Variants in NFE2L3 observed in about 807,000 individuals in gnomAD.
NFE2L3 encodes the protein nuclear factor erythroid 2-related factor 3.
NFE2L3 carries 18 observed loss-of-function variants against 23.5 expected under a neutral mutation model. The observed-to-expected ratio is 0.77, with a 90% CI of 0.53 to 1.13. NFE2L3 has a LOEUF of 1.13. Among genes scored for constraint, NFE2L3 ranks in the 50% most tolerant of loss-of-function variants. The pLI, the probability that NFE2L3 is intolerant of heterozygous loss-of-function variation, is 0.00. For missense variants in NFE2L3, 1,152 were observed against 877.2 expected (o/e 1.31, Z -3.96); for synonymous variants, 424 against 354.5 (o/e 1.20, Z -2.20).
intron 1 of NFE2L3, among the ~76,000 whole-genome samples, chr7:26,161,008 T>C (rs1011900123): frequency 6.6e-6 from 1 of 152,222 alleles, no homozygotes; most frequent in African/African-American, 2.4e-5. Flanking sequence ...GATGATTCGC[T>C]TTTATTGCTT....
chr7:26,163,761 C>G (rs1197615414), intron 1 of NFE2L3, among the ~76,000 whole-genome samples: 1 of 152,184 alleles, frequency 6.6e-6, no homozygotes, highest in Non-Finnish European at 1.5e-5. Flanking sequence ...TACCCATTAA[C>G]TCGTCATTTA....
rs369078204 is a variant in NFE2L3 at position 26,179,767 on chromosome 7, G to T, written c.750+1645G>T. On this transcript the variant is annotated intron_variant, in intron 2 of 3. Coordinates refer to ENST00000056233, the MANE Select transcript of NFE2L3 (RefSeq NM_004289.7). ...AAATTCAGCATCTTTCCTCAGTTTT[G>T]TGTGGCCTGCCCTGCTGATTTCTCT... is the stretch of plus-strand genomic sequence containing the variant. 5.9e-5 allele frequency among the ~76,000 whole-genome samples: 9 copies of T among 152,302 alleles called. No individual in the cohort carries two copies. In the East Asian group the frequency reaches 1.5e-3, roughly 26 times the overall value.
chr7:26,182,345 C>G (rs140520705), intron 2 of NFE2L3, among the ~76,000 whole-genome samples: 1 of 149,624 alleles, frequency 6.7e-6, no homozygotes, highest in Non-Finnish European at 1.5e-5. Flanking sequence ...CCATGTAGGC[C>G]GGGCATGGTG....
At chr7:26,159,948 G>A (rs992517221) in intron 1 of NFE2L3, among the ~76,000 whole-genome samples, 4 of 136,882 alleles carry the variant, frequency 2.9e-5, no homozygotes, top group African/African-American at 1.1e-4. Flanking sequence ...AAATCTTGTT[G>A]CTTTTTTTTT....
At chr7:26,180,261 T>A (rs1368160249) in intron 2 of NFE2L3, among the ~76,000 whole-genome samples, 3 of 151,974 alleles carry the variant, frequency 2.0e-5, no homozygotes, top group African/African-American at 7.2e-5. Flanking sequence ...GGGGAGGGGG[T>A]AGAGAGCACA....
chr7:26,164,692 A>T (rs1477992260), intron 1 of NFE2L3, among the ~76,000 whole-genome samples: 4 of 152,188 alleles, frequency 2.6e-5, no homozygotes, highest in Admixed American at 1.3e-4. Flanking sequence ...CTGGCTTTTG[A>T]GCCATTGCTT....
chr7:26,179,309 TG>T (rs972176377), intron 2 of NFE2L3, among the ~76,000 whole-genome samples: 5 of 152,050 alleles, frequency 3.3e-5, no homozygotes, highest in Non-Finnish European at 7.4e-5. Context: ...GAGATCAGCC[TG>T]GGCAACATGG....
rs757147077 is a variant in NFE2L3, at chr7:26,184,774, C to A, written c.1076C>A (p.Thr359Asn). Reference sequence around the variant, plus strand: ...AATCCTGAGCAAACCCTTCCTGGAACTAATTTGACAGGATTTCTTTCACCG... The same window carrying A: ...AATCCTGAGCAAACCCTTCCTGGAAATAATTTGACAGGATTTCTTTCACCG... ...TTNPEQTLPG[T>N]NLTGFLSPVD... Residue 359 changes from threonine (T) to asparagine (N), a missense_variant, in exon 4 of 4, where the codon ACT (threonine) becomes AAT (asparagine). Coordinates refer to ENST00000056233, the MANE Select transcript of NFE2L3 (RefSeq NM_004289.7). The A allele has an allele frequency of 1.2e-6, 2 of 1,613,896 alleles. No homozygotes were observed. Among genetic ancestry groups the A allele is most frequent in the Non-Finnish European group, 1.7e-6 (2 of 1,179,842 alleles).
intron 1 of NFE2L3, among the ~76,000 whole-genome samples, chr7:26,164,882 C>A (rs1471678757): frequency 6.6e-6 from 1 of 152,178 alleles, no homozygotes; most frequent in Non-Finnish European, 1.5e-5. Flanking sequence ...ATATGGCTAG[C>A]CAGTTTTCCC....
At chr7:26,181,684 A>T (rs1327096208) in intron 2 of NFE2L3, among the ~76,000 whole-genome samples, 1 of 152,220 alleles carries the variant, frequency 6.6e-6, no homozygotes, top group Non-Finnish European at 1.5e-5. Flanking sequence ...AGCATATGCA[A>T]AAGTCAGGAT....
chr7:26,153,564 G>T (rs1394393456), intron 1 of NFE2L3, among the ~76,000 whole-genome samples: 1 of 152,200 alleles, frequency 6.6e-6, no homozygotes, highest in Non-Finnish European at 1.5e-5. Flanking sequence ...TGCTTCCCTG[G>T]ATTAAGGAGC....
Position 26,178,027 on chromosome 7 carries a change from AAGG to A in NFE2L3, c.658_660del (p.Glu220del), listed in dbSNP as rs771309895. The stretch of plus-strand genomic sequence containing the variant: ...AAATGAAGAAAGGGTGTCAGCCCAG[AAGG>A]AGAACTCACTTCAGCAGAATGATGA... On this transcript the variant is annotated inframe_deletion, in exon 2 of 4. Coordinates refer to ENST00000056233, the MANE Select transcript of NFE2L3 (RefSeq NM_004289.7). 1.2e-6 allele frequency: 2 copies of A among 1,614,170 alleles called. No individual in the cohort carries two copies. Among genetic ancestry groups the A allele is most frequent in the East Asian group, 2.2e-5 (1 of 44,872 alleles).
intron 3 of NFE2L3, chr7:26,184,319 A>C: frequency 1.9e-6 from 1 of 519,140 alleles, no homozygotes; most frequent in Non-Finnish European, 3.4e-6. Context: ...AATCCATCTT[A>C]ATTTCTAGGT....
intron 1 of NFE2L3, among the ~76,000 whole-genome samples, chr7:26,154,679 T>G (rs1221672824): frequency 2.0e-5 from 3 of 152,160 alleles, no homozygotes; most frequent in African/African-American, 4.8e-5. Context: ...GTCTCCCAGG[T>G]AGCTAGGAGA....
intron 2 of NFE2L3, among the ~76,000 whole-genome samples, chr7:26,178,432 C>A (rs1187684102): frequency 6.6e-6 from 1 of 152,128 alleles, no homozygotes; most frequent in Non-Finnish European, 1.5e-5. Context: ...AAATGGGGAA[C>A]CTAGGAGTCC....
chr7:26,152,319 A>C lies in NFE2L3; in HGVS notation c.-180A>C. On this transcript the variant is annotated 5_prime_UTR_variant, in exon 1 of 4. Coordinates refer to ENST00000056233, the MANE Select transcript of NFE2L3 (RefSeq NM_004289.7). This position sits in a 1 kb window ranked among gnomAD's most constrained non-coding sequence, Gnocchi z 4.4. Reference sequence around the variant, plus strand: ...AGGCACGGTGCCGGCTGCCGAGGGAACGCCTTTGTGCCCGGTGCTGGGAAC... The same window carrying C: ...AGGCACGGTGCCGGCTGCCGAGGGACCGCCTTTGTGCCCGGTGCTGGGAAC... 7 of 296,716 alleles carry C rather than the reference A, an allele frequency of 2.4e-5. No individual in the cohort carries two copies. Among genetic ancestry groups the C allele is most frequent in the Non-Finnish European group, 2.4e-5 (4 of 169,632 alleles). The allele number at this position is 296,716 out of a possible 1,614,324, so 18.4% of individuals were successfully genotyped here.
rs3839815 is a variant in NFE2L3 at position 26,186,244 on chromosome 7, CTT to C, written c.*462_*463del. On this transcript the variant is annotated 3_prime_UTR_variant, in exon 4 of 4. Coordinates refer to ENST00000056233, the MANE Select transcript of NFE2L3 (RefSeq NM_004289.7). ...ACACTATTTTAATCTTTATATTTAA[CTT>C]ATAAATTTTGCTTTCTATGGAAATA... 0.03 allele frequency: 4,636 copies of C among 152,594 alleles called. 171 individuals are homozygous for C. The highest frequency in any genetic ancestry group is 0.1 in the East Asian group (533 of 5,192). 9.5% of individuals were successfully genotyped at this position (152,594 alleles called of 1,614,324 possible).
rs1257958903 is a variant in NFE2L3 at position 26,186,569 on chromosome 7, C to CAGAG, written c.*788_*791dup. ...GAGCCACAGGCCTTCCTCATGTAACCAGAGACAGAATGGGCTACTTGCAAA... is the reference window on the plus strand; with the variant it reads ...GAGCCACAGGCCTTCCTCATGTAACCAGAGAGAGACAGAATGGGCTACTTGCAAA... On this transcript the variant is annotated 3_prime_UTR_variant, in exon 4 of 4. Transcript: ENST00000056233. 5.3e-5 allele frequency: 8 copies of CAGAG among 152,268 alleles called. No homozygotes were observed. The highest frequency in any genetic ancestry group is 1.4e-4 in the African/African-American group (6 of 41,558). 9.4% of individuals were successfully genotyped at this position (152,268 alleles called of 1,614,324 possible). A position where few individuals can be genotyped will look rare whatever the true frequency, so the allele number is the denominator to read the frequency against.
intron 2 of NFE2L3, among the ~76,000 whole-genome samples, chr7:26,183,411 G>A (rs995520243): frequency 6.6e-5 from 10 of 152,110 alleles, no homozygotes; most frequent in African/African-American, 1.9e-4. Context: ...AGCCAGACGT[G>A]GTGGTGCACA....
Sources: gnomAD v4.1 joint callset for allele counts (sites outside exome capture counted in the v4.1 genomes callset) on GRCh38, gnomAD v4.1.1 for gene constraint, Gnocchi (gnomAD v3.1) non-coding constraint, MANE v1.5 for transcripts, NCBI Gene and HGNC (gene_info 2026-07-23, HGNC 2026-07-21) for gene names.